The following GRID1 variants were observed in gnomAD, a reference collection of about 807,000 sequenced individuals.
GRID1 encodes glutamate ionotropic receptor delta type subunit 1.
A neutral mutation model predicts 98.0 loss-of-function variants in GRID1; 28 were observed. The observed-to-expected ratio is 0.29, with a 90% confidence interval of 0.21 to 0.39. GRID1 has a LOEUF of 0.39. Ranked by LOEUF, GRID1 falls within the 10% of genes least tolerant of loss-of-function variation. GRID1 has a pLI of 1.00. For missense variants in GRID1, 1,111 were observed against 1,340.5 expected (o/e 0.83, Z 2.67); for synonymous variants, 553 against 538.5 (o/e 1.03, Z -0.37).
At chr10:86,037,976 T>G (rs1843291890) in intron 4 of GRID1, among the ~76,000 whole-genome samples, 1 of 152,074 alleles carries the variant, frequency 6.6e-6, no homozygotes, top group African/African-American at 2.4e-5. Context: ...AATAAGGTCA[T>G]TAAGGTGGGC....
At chr10:85,815,129 C>T (rs1417136875) in intron 8 of GRID1, among the ~76,000 whole-genome samples, 3 of 152,126 alleles carry the variant, frequency 2.0e-5, no homozygotes, top group East Asian at 3.9e-4. Flanking sequence ...GCCATATGAT[C>T]ACACTGAAAA....
chr10:86,021,549 A>G (rs1364000499), intron 4 of GRID1, among the ~76,000 whole-genome samples: 1 of 152,056 alleles, frequency 6.6e-6, no homozygotes, highest in Non-Finnish European at 1.5e-5. Context: ...AAGCAGTATT[A>G]GGTCCACAGC....
At chr10:85,798,012 C>T (rs1019907200) in intron 8 of GRID1, among the ~76,000 whole-genome samples, 1 of 152,176 alleles carries the variant, frequency 6.6e-6, no homozygotes, top group Non-Finnish European at 1.5e-5. Flanking sequence ...ATCCAATCCA[C>T]CATTGATGGG....
At chr10:86,200,807 A>G (rs780929682) in intron 3 of GRID1, among the ~76,000 whole-genome samples, 2 of 152,256 alleles carry the variant, frequency 1.3e-5, no homozygotes, top group Admixed American at 6.5e-5. Flanking sequence ...AAATAAAAAT[A>G]GCCCATAAAG....
intron 2 of GRID1, among the ~76,000 whole-genome samples, chr10:86,307,530 A>G (rs1847774906): frequency 6.6e-6 from 1 of 152,176 alleles, no homozygotes; most frequent in Non-Finnish European, 1.5e-5. Context: ...GGTTGCCAGG[A>G]GCTGCTGTGG....
chr10:86,353,422 G>A (rs184516799), intron 2 of GRID1, among the ~76,000 whole-genome samples: 414 of 152,348 alleles, frequency 2.7e-3, no homozygotes, highest in Non-Finnish European at 4.7e-3. Context: ...GTATGCATGT[G>A]TGTACATACA....
intron 5 of GRID1, among the ~76,000 whole-genome samples, chr10:85,877,693 A>C (rs1379231554): frequency 6.6e-6 from 1 of 152,248 alleles, no homozygotes; most frequent in East Asian, 1.9e-4. Flanking sequence ...GAAAAACTGG[A>C]AACTCTAAAA....
chr10:86,259,349 C>T (rs887793983), intron 2 of GRID1, among the ~76,000 whole-genome samples: 4 of 152,244 alleles, frequency 2.6e-5, no homozygotes, highest in Non-Finnish European at 5.9e-5. Context: ...CTCCTCTCTC[C>T]TTAATCTGTA....
chr10:85,902,527 A>G (rs2131816512), intron 5 of GRID1, among the ~76,000 whole-genome samples: 1 of 152,334 alleles, frequency 6.6e-6, no homozygotes, highest in Admixed American at 6.5e-5. Context: ...CATAATACAA[A>G]CTATATTACT....
intron 8 of GRID1, among the ~76,000 whole-genome samples, chr10:85,751,406 C>A (rs1044153756): frequency 2.0e-5 from 3 of 152,190 alleles, no homozygotes; most frequent in Non-Finnish European, 2.9e-5. Context: ...AAGAAAGCAT[C>A]ACATCCAAGA....
chr10:85,905,123 A>G (rs1841442102), intron 5 of GRID1, among the ~76,000 whole-genome samples: 1 of 152,070 alleles, frequency 6.6e-6, no homozygotes, highest in South Asian at 2.1e-4. Flanking sequence ...GAAACATTAA[A>G]AGAAACCAGA....
chr10:85,862,567 A>G (rs1322227654), intron 6 of GRID1, among the ~76,000 whole-genome samples: 6 of 152,052 alleles, frequency 3.9e-5, no homozygotes, highest in Admixed American at 1.3e-4. Flanking sequence ...TCAGAAAGAT[A>G]ATGGGAAAGG....
At chr10:86,314,403 C>T (rs1375087156) in intron 2 of GRID1, among the ~76,000 whole-genome samples, 2 of 152,244 alleles carry the variant, frequency 1.3e-5, no homozygotes, top group Non-Finnish European at 2.9e-5. Flanking sequence ...GACAAGGGCT[C>T]CTCCCACTCC....
At chr10:85,664,528 G>A (rs940788470) in intron 12 of GRID1, among the ~76,000 whole-genome samples, 5 of 152,150 alleles carry the variant, frequency 3.3e-5, no homozygotes, top group African/African-American at 9.7e-5. Context: ...TATCCTGCAT[G>A]GTTTGAGGAA....
chr10:85,735,027 G>T (rs1841864985), intron 8 of GRID1, among the ~76,000 whole-genome samples: 1 of 152,182 alleles, frequency 6.6e-6, no homozygotes. Context: ...CGAGGCCGAT[G>T]GGCTTGATAA....
At chr10:85,817,220 G>A (rs930457633) in intron 8 of GRID1, among the ~76,000 whole-genome samples, 8 of 152,144 alleles carry the variant, frequency 5.3e-5, no homozygotes, top group African/African-American at 1.9e-4. Flanking sequence ...TATATATCCA[G>A]TAATGGGATT....
chr10:85,956,919 GA>G (rs1842202025), intron 4 of GRID1, among the ~76,000 whole-genome samples: 1 of 152,186 alleles, frequency 6.6e-6, no homozygotes, highest in African/African-American at 2.4e-5. Flanking sequence ...ATTTATAAAG[GA>G]AAGAGGTTTA....
At chr10:85,962,445 T>C (rs1589315370) in intron 4 of GRID1, among the ~76,000 whole-genome samples, 1 of 152,280 alleles carries the variant, frequency 6.6e-6, no homozygotes, top group East Asian at 1.9e-4. Context: ...TGACAAACGT[T>C]AGAACTGTCC....
At chr10:85,723,785 C>T (rs1470304543) in intron 11 of GRID1, among the ~76,000 whole-genome samples, 1 of 152,164 alleles carries the variant, frequency 6.6e-6, no homozygotes, top group Non-Finnish European at 1.5e-5. Context: ...GCTTATTCTC[C>T]TTACATAACC....
Sources: gnomAD v4.1 joint callset for allele counts (sites outside exome capture counted in the v4.1 genomes callset) on GRCh38, gnomAD v4.1.1 for gene constraint, MANE v1.5 for transcripts, NCBI Gene and HGNC (gene_info 2026-07-23, HGNC 2026-07-21) for gene names.